The following ADGRL2 variants were observed in gnomAD, a reference collection of about 807,000 sequenced individuals.
ADGRL2 encodes the protein calcium-independent alpha-latrotoxin receptor 2.
In ADGRL2, 44 loss-of-function variants were observed where a neutral mutation model predicts 157.4. The observed-to-expected ratio is 0.28, with a 90% CI of 0.22 to 0.36. The LOEUF is 0.36. ADGRL2 is among the 10% of genes least tolerant of loss of function. ADGRL2 has a pLI of 1.00. For synonymous variants in ADGRL2, 585 were observed against 624.7 expected (o/e 0.94, Z 0.95); for missense variants, 1,510 against 1,768.9 (o/e 0.85, Z 2.63).
intron 1 of ADGRL2, among the ~76,000 whole-genome samples, chr1:81,718,331 C>G (rs2084185134): frequency 6.6e-6 from 1 of 152,072 alleles, no homozygotes; most frequent in South Asian, 2.1e-4. Context: ...AAAGATTGTC[C>G]ATATTTTCTT....
intron 20 of ADGRL2, 124 bp from the exon 21 acceptor site, chr1:81,985,135 A>T (rs1662787046): frequency 2.0e-6 from 1 of 512,292 alleles, no homozygotes; most frequent in African/African-American, 2.0e-5. Context: ...AAAAACACAC[A>T]TTCTTTAAAA....
At chr1:81,953,403 A>G (rs1652477324) in intron 10 of ADGRL2, among the ~76,000 whole-genome samples, 1 of 152,154 alleles carries the variant, frequency 6.6e-6, no homozygotes, top group Non-Finnish European at 1.5e-5. Context: ...GTCATAATAT[A>G]TGTGCATGAA....
chr1:81,318,217 G>A (rs183282813), intron 1 of ADGRL2, among the ~76,000 whole-genome samples: 1 of 152,146 alleles, frequency 6.6e-6, no homozygotes, highest in Admixed American at 6.5e-5. Context: ...AAATACACCT[G>A]TACAGCTGAA....
intron 2 of ADGRL2, among the ~76,000 whole-genome samples, chr1:81,546,251 T>C (rs2080014991): frequency 2.0e-5 from 3 of 152,316 alleles, no homozygotes; most frequent in Middle Eastern, 3.4e-3. Context: ...CATATCTTTC[T>C]GCCCAGCACT....
chr1:81,491,624 A>G (rs989059509), intron 2 of ADGRL2, among the ~76,000 whole-genome samples: 3 of 152,238 alleles, frequency 2.0e-5, no homozygotes, highest in African/African-American at 7.2e-5. Context: ...TGACAGAAAG[A>G]GAAGTGACAA....
At chr1:81,504,488 CT>C (rs200190016) in intron 2 of ADGRL2, among the ~76,000 whole-genome samples, 5,449 of 149,732 alleles carry the variant, frequency 0.036, 334 homozygotes, top group African/African-American at 0.13. Flanking sequence ...GTTTTGCTGA[CT>C]TTTTTTTTTA....
intron 1 of ADGRL2, among the ~76,000 whole-genome samples, chr1:81,392,525 T>C (rs1359355051): frequency 6.6e-6 from 1 of 152,100 alleles, no homozygotes; most frequent in African/African-American, 2.4e-5. Context: ...ATTAGAGTAG[T>C]ATTAGTCTAA....
chr1:81,505,189 C>T (rs1423256250), intron 2 of ADGRL2: 1 of 503,972 alleles, frequency 2.0e-6, no homozygotes, highest in Non-Finnish European at 3.7e-6. Context: ...CACACGCTCA[C>T]CCCCACTCCC....
intron 1 of ADGRL2, among the ~76,000 whole-genome samples, chr1:81,742,383 T>A: frequency 6.6e-6 from 1 of 152,006 alleles, no homozygotes; most frequent in East Asian, 1.9e-4. Flanking sequence ...CTTCCATTAG[T>A]GGAAAAAAGA....
At chr1:81,903,248 A>C (rs541284850) in intron 2 of ADGRL2, among the ~76,000 whole-genome samples, 1 of 152,310 alleles carries the variant, frequency 6.6e-6, no homozygotes, top group East Asian at 1.9e-4. Context: ...TATTTATGGT[A>C]CACATGTTTA....
chr1:81,941,946 G>A (rs1648141701), intron 4 of ADGRL2, 88 bp from the exon 5 acceptor site: 2 of 674,722 alleles, frequency 3.0e-6, no homozygotes, highest in African/African-American at 3.6e-5. Context: ...TACGAATTCA[G>A]TCTTAGACTA....
At chr1:81,575,054 A>C (rs2080770904) in intron 2 of ADGRL2, among the ~76,000 whole-genome samples, 1 of 152,200 alleles carries the variant, frequency 6.6e-6, no homozygotes, top group Non-Finnish European at 1.5e-5. Context: ...AAGTAGCTAG[A>C]GGATTAAAAG....
In ADGRL2 at chr1:81,746,244, A is replaced by G. The variant is rs570502123; in HGVS notation, c.-142-15567A>G. Among the ~76,000 whole-genome samples the G allele has an allele frequency of 2.6e-4, 40 of 152,278 alleles. No homozygotes were observed. In the East Asian group the frequency reaches 7.5e-3, roughly 29 times the overall value. ...AAAATGTATTAAACTTCAAGTTATA[A>G]GATGCCAAATATTATGGAGGCAATT... On this transcript the variant is annotated intron_variant, in intron 1 of 20. Coordinates refer to the ADGRL2 transcript ENST00000359929.
intron 2 of ADGRL2, chr1:81,505,198 C>CCACACACACACACACACACA (rs371854437): frequency 2.0e-5 from 9 of 445,900 alleles, no homozygotes; most frequent in African/African-American, 1.8e-4. Context: ...ACCCCCACTC[C>CCACACACACACACACACACA]CACACACACA....
chr1:81,809,352 T>A (rs996256168), intron 1 of ADGRL2, among the ~76,000 whole-genome samples: 3 of 152,010 alleles, frequency 2.0e-5, no homozygotes, highest in Non-Finnish European at 4.4e-5. Context: ...TCCTGAAATA[T>A]GTGACCAAGT....
chr1:81,709,092 A>G (rs183973229), intron 1 of ADGRL2, among the ~76,000 whole-genome samples: 2 of 152,246 alleles, frequency 1.3e-5, no homozygotes, highest in Non-Finnish European at 2.9e-5. Context: ...CCCTTATTTT[A>G]TATTCTAAAA....
At chr1:81,767,381 A>T (rs1428863965) in intron 2 of ADGRL2, among the ~76,000 whole-genome samples, 1 of 152,092 alleles carries the variant, frequency 6.6e-6, no homozygotes, top group Non-Finnish European at 1.5e-5. Flanking sequence ...TTAACCTGGG[A>T]TGATTTTGCT....
chr1:81,350,967 A>G (rs1662839482), intron 1 of ADGRL2, among the ~76,000 whole-genome samples: 1 of 152,198 alleles, frequency 6.6e-6, no homozygotes, highest in Admixed American at 6.5e-5. Flanking sequence ...ATTTTCATGA[A>G]TAAATGCAAA....
chr1:81,875,399 C>T (rs1004473123), intron 2 of ADGRL2, among the ~76,000 whole-genome samples: 2 of 152,046 alleles, frequency 1.3e-5, no homozygotes, highest in African/African-American at 2.4e-5. Context: ...TAACAAAATA[C>T]AGAATTTAGG....
Sources: allele counts gnomAD v4.1 joint callset (sites outside exome capture counted in the v4.1 genomes callset), GRCh38; gene constraint gnomAD v4.1.1; transcripts MANE v1.5; gene names NCBI Gene and HGNC (gene_info 2026-07-23, HGNC 2026-07-21).